The following RARB variants were observed in gnomAD, a reference collection of about 807,000 sequenced individuals.
The protein encoded by RARB is retinoic acid receptor beta.
In RARB, 17 loss-of-function variants were observed where a neutral mutation model predicts 51.9. That is an observed-to-expected ratio of 0.33 (90% confidence interval 0.22 to 0.49). The LOEUF (loss-of-function observed/expected upper bound fraction) is 0.49. Ranked by LOEUF, RARB falls within the 20% of genes least tolerant of loss-of-function variation. RARB has a pLI of 0.99. For missense variants in RARB, 369 were observed against 550.8 expected, an observed-to-expected ratio of 0.67 and a Z score of 3.30; for synonymous variants, 215 against 195.4, an observed-to-expected ratio of 1.10 and a Z score of -0.84.
Position 25,569,764 on chromosome 3 carries a change from G to T in RARB, c.455G>T (p.Arg152Met). 6.2e-7 allele frequency: 1 copy of T among 1,613,650 alleles called. No homozygotes were observed. The highest frequency in any genetic ancestry group is 1.1e-5 in the South Asian group (1 of 91,008). The change falls in exon 4 of 8, where the codon AGG becomes ATG. Residue 152 changes from arginine to methionine, a missense_variant. Around this residue, in one of 9 missense-constraint regions of RARB, gnomAD observed 9 missense variants for 33.1 expected, o/e 0.27. Transcript: ENST00000330688. ...FEVGMSKESV[R>M]NDRNKKKKET... is the part of the protein sequence containing the mutation. ...CCTTCTCTCTCGTTTCCAGCTGTCA[G>T]GAATGACAGGAACAAGAAAAAGAAG...
At chr3:24,955,981 T>C (rs148241684) in intron 2 of RARB, among the ~76,000 whole-genome samples, 5 of 152,242 alleles carry the variant, frequency 3.3e-5, no homozygotes, top group Admixed American at 3.3e-4. Context: ...ATGAAATTCC[T>C]AGGGAGGGAG....
At chr3:25,474,834 C>A (rs1695873400) in intron 2 of RARB, among the ~76,000 whole-genome samples, 1 of 152,082 alleles carries the variant, frequency 6.6e-6, no homozygotes, top group Admixed American at 6.6e-5. Context: ...TTATCATTTT[C>A]TGCTTTAAGA....
rs559041478 is a variant in RARB at position 25,498,540 on chromosome 3, A to G, written c.307-2642A>G. Among the ~76,000 whole-genome samples the G allele has an allele frequency of 2.0e-4, 30 of 152,310 alleles. No individual in the cohort carries two copies. The South Asian group carries it at 5.8e-3, about 29-fold the overall frequency. ...CAAAAATCTGATTTGGAAAACCAAG[A>G]AGTCCTATTTAGTTTCTGCCATCAT... is the stretch of plus-strand genomic sequence containing the variant. On this transcript the variant is annotated intron_variant, in intron 2 of 7. Transcript: ENST00000330688.
chr3:25,027,424 C>G (rs13318603), intron 2 of RARB, among the ~76,000 whole-genome samples: 2 of 152,120 alleles, frequency 1.3e-5, no homozygotes, highest in Non-Finnish European at 2.9e-5. Flanking sequence ...CATCTTCCCC[C>G]CCATATGATT....
intron 1 of RARB, among the ~76,000 whole-genome samples, chr3:24,845,029 T>C (rs1702469340): frequency 6.6e-6 from 1 of 152,180 alleles, no homozygotes; most frequent in Admixed American, 6.5e-5. Context: ...AAAGCTGTCA[T>C]TTACCCATGA....
At chr3:25,442,102 T>A (rs1461499054) in intron 1 of RARB, among the ~76,000 whole-genome samples, 3 of 139,872 alleles carry the variant, frequency 2.1e-5, no homozygotes, top group African/African-American at 7.7e-5. Flanking sequence ...AGTGACTTTT[T>A]AATTTTATTT....
chr3:25,353,834 A>C (rs997142738), intron 5 of RARB, among the ~76,000 whole-genome samples: 2 of 152,086 alleles, frequency 1.3e-5, no homozygotes, highest in Admixed American at 1.3e-4. Context: ...GTGGTTCTAT[A>C]CTATCATCTT....
intron 4 of RARB, among the ~76,000 whole-genome samples, chr3:25,138,734 G>C (rs1460622917): frequency 1.3e-5 from 2 of 149,988 alleles, no homozygotes; most frequent in East Asian, 3.9e-4. Flanking sequence ...GAGTGAAACT[G>C]TTAGTTTCAA....
At chr3:25,098,232 A>G (rs1185320466) in intron 3 of RARB, among the ~76,000 whole-genome samples, 1 of 152,102 alleles carries the variant, frequency 6.6e-6, no homozygotes, top group African/African-American at 2.4e-5. Context: ...AGGCAGTGGA[A>G]AGGAGAGTTG....
intron 2 of RARB, among the ~76,000 whole-genome samples, chr3:25,484,273 A>G (rs528029578): frequency 1.3e-5 from 2 of 152,284 alleles, no homozygotes; most frequent in East Asian, 3.9e-4. Context: ...CATTTCTTCA[A>G]GGCTGAGGTT....
chr3:25,532,619 T>C (rs1698973783), intron 3 of RARB, among the ~76,000 whole-genome samples: 1 of 152,246 alleles, frequency 6.6e-6, no homozygotes, highest in Non-Finnish European at 1.5e-5. Context: ...AATGTGGAAA[T>C]GCTTGACCAA....
chr3:24,890,733 C>T (rs1267431242), intron 2 of RARB, among the ~76,000 whole-genome samples: 1 of 152,046 alleles, frequency 6.6e-6, no homozygotes, highest in African/African-American at 2.4e-5. Flanking sequence ...TTATACAAAC[C>T]CTTGAATATA....
chr3:25,127,243 C>G (rs960514051), intron 3 of RARB, among the ~76,000 whole-genome samples: 5 of 152,128 alleles, frequency 3.3e-5, no homozygotes, highest in African/African-American at 1.2e-4. Flanking sequence ...CAAGAGATAC[C>G]TGATCTGGCC....
intron 5 of RARB, among the ~76,000 whole-genome samples, chr3:25,203,516 C>T (rs890249109): frequency 2.6e-5 from 4 of 152,212 alleles, no homozygotes; most frequent in African/African-American, 7.2e-5. Flanking sequence ...GATGCAGTTT[C>T]TTCCTAGCCT....
chr3:25,019,217 A>G (rs1036108149), intron 2 of RARB, among the ~76,000 whole-genome samples: 56 of 152,298 alleles, frequency 3.7e-4, no homozygotes, highest in African/African-American at 1.3e-3. Context: ...GTGGAATGTT[A>G]TTGTTATTTT....
intron 5 of RARB, among the ~76,000 whole-genome samples, chr3:25,204,610 A>G (rs919694349): frequency 5.9e-5 from 9 of 152,206 alleles, no homozygotes; most frequent in African/African-American, 9.6e-5. Flanking sequence ...TTTGGTGTGG[A>G]TGTCCTTTCT....
chr3:25,272,613 T>A (rs1425708530), intron 5 of RARB, among the ~76,000 whole-genome samples: 1 of 152,254 alleles, frequency 6.6e-6, no homozygotes, highest in Non-Finnish European at 1.5e-5. Context: ...ATAAATTCTT[T>A]ATTAATTGCT....
intron 2 of RARB, 138 bp downstream of exon 2, chr3:25,461,479 GT>G: frequency 9.8e-7 from 1 of 1,019,530 alleles, no homozygotes; most frequent in Non-Finnish European, 1.4e-6. Context: ...ATATTCAGTG[GT>G]TTTTATTACT....
At chr3:25,295,631 A>T (rs965363711) in intron 5 of RARB, among the ~76,000 whole-genome samples, 1 of 152,136 alleles carries the variant, frequency 6.6e-6, no homozygotes, top group African/African-American at 2.4e-5. Context: ...TTATTTGCCT[A>T]ATATGTAGGG....
Sources: allele counts gnomAD v4.1 joint callset (sites outside exome capture counted in the v4.1 genomes callset), GRCh38; gene constraint gnomAD v4.1.1; regional missense constraint gnomAD v4.1.1; transcripts MANE v1.5; gene names NCBI Gene and HGNC (gene_info 2026-07-23, HGNC 2026-07-21).